DLG5: variants seen among roughly 807,000 people sequenced by gnomAD.
DLG5 encodes the protein disks large homolog 5.
In DLG5, 48 loss-of-function variants were observed where a neutral mutation model predicts 189.8. That is an observed-to-expected ratio of 0.25 (90% CI 0.20 to 0.32). The LOEUF is 0.32. Ranked by LOEUF, DLG5 falls within the 10% of genes least tolerant of loss-of-function variation. The pLI, the probability that DLG5 is intolerant of heterozygous loss-of-function variation, is 1.00. For synonymous variants in DLG5, 1,016 were observed against 1,054.1 expected (o/e 0.96, Z 0.70); for missense variants, 2,160 against 2,544.7 (o/e 0.85, Z 3.25).
At chr10:77,868,339 G>A (rs974256628) in intron 2 of DLG5, 29 of 356,194 alleles carry the variant, frequency 8.1e-5, no homozygotes, top group East Asian at 6.6e-4. Flanking sequence ...TGCCTAATTC[G>A]CCACTACGGC....
chr10:77,841,557 T>G (rs373741668), intron 7 of DLG5, among the ~76,000 whole-genome samples: 30 of 152,106 alleles, frequency 2.0e-4, no homozygotes, highest in African/African-American at 3.4e-4. Flanking sequence ...AGCAAGTCCT[T>G]GAGATATCAC....
chr10:77,848,233 T>C (rs1589212136), intron 5 of DLG5, among the ~76,000 whole-genome samples: 2 of 152,188 alleles, frequency 1.3e-5, no homozygotes, highest in Admixed American at 1.3e-4. Context: ...CACTCCTCTG[T>C]GGGCTTCTCT....
chr10:77,843,438 T>C lies in DLG5; in HGVS notation c.1124+9A>G, dbSNP rs747796669. On this transcript the variant is annotated intron_variant, in intron 6 of 31. Coordinates refer to ENST00000372391, the MANE Select transcript of DLG5 (RefSeq NM_004747.4). ...ATTTGCCCCCGGCCCCCGATGGCCC[T>C]AGCCCTACCTCCTCAGGGAGAGGGC... The C allele has an allele frequency of 6.2e-7, 1 of 1,612,960 alleles. No individual in the cohort carries two copies. Among genetic ancestry groups the C allele is most frequent in the Non-Finnish European group, 8.5e-7 (1 of 1,179,988 alleles).
chr10:77,936,202 G>T, the DLG5 span, among the ~76,000 whole-genome samples: 216 of 152,260 alleles, frequency 1.4e-3, 1 homozygote, highest in African/African-American at 5.1e-3. Context: ...CACTTTGGGA[G>T]GCCAAGGCAG....
chr10:77,842,439 T>G (rs1285872930), intron 6 of DLG5, among the ~76,000 whole-genome samples: 1 of 152,212 alleles, frequency 6.6e-6, no homozygotes, highest in Non-Finnish European at 1.5e-5. Flanking sequence ...TCCACTCCAC[T>G]AGAAACAACA....
intron 14 of DLG5, among the ~76,000 whole-genome samples, chr10:77,824,148 G>C (rs1446495113): frequency 6.6e-6 from 1 of 152,176 alleles, no homozygotes; most frequent in East Asian, 1.9e-4. Flanking sequence ...AATTCCCTAA[G>C]ATCATCTAAT....
At chr10:77,854,106 C>T (rs2154576688) in intron 4 of DLG5, 121 bp downstream of exon 4, 2 of 1,308,272 alleles carry the variant, frequency 1.5e-6, no homozygotes, top group East Asian at 4.9e-5. Context: ...AGGCAGACTG[C>T]TTGCTCTTGC....
chr10:77,935,216 C>A, the DLG5 span, among the ~76,000 whole-genome samples: 1 of 151,976 alleles, frequency 6.6e-6, no homozygotes, highest in Non-Finnish European at 1.5e-5. Flanking sequence ...ATTAGGAGAC[C>A]AACAATCCCC....
intron 7 of DLG5, 107 bp downstream of exon 7, chr10:77,841,774 T>G (rs2154576298): frequency 7.5e-7 from 1 of 1,329,388 alleles, no homozygotes; most frequent in Non-Finnish European, 1.0e-6. Context: ...AGAAGCCATT[T>G]ACTCCAACTC....
chr10:77,866,636 C>T (rs909808144), intron 2 of DLG5, among the ~76,000 whole-genome samples: 18 of 151,830 alleles, frequency 1.2e-4, no homozygotes, highest in African/African-American at 3.6e-4. Flanking sequence ...TGTTTAGTGG[C>T]GCCCATACTG....
intron 29 of DLG5, 120 bp from the exon 30 acceptor site, chr10:77,795,078 G>A: frequency 4.2e-6 from 3 of 715,246 alleles, no homozygotes; most frequent in South Asian, 3.5e-5. Flanking sequence ...AGGCAGTAAA[G>A]CCACACAGTA....
chr10:77,921,755 C>A (rs1362086042), intron 1 of DLG5, among the ~76,000 whole-genome samples: 1 of 152,226 alleles, frequency 6.6e-6, no homozygotes, highest in East Asian at 1.9e-4. Context: ...CCAGCGGACG[C>A]TGCTGGCTCC....
In DLG5 at chr10:77,794,105, G is replaced by T. The variant is rs770497098; in HGVS notation, c.5559C>A (p.Asp1853Glu). The T allele has an allele frequency of 7.4e-6, 12 of 1,613,972 alleles. No individual in the cohort carries two copies. The highest frequency in any genetic ancestry group is 1.0e-5 in the Non-Finnish European group (12 of 1,179,992). ...KSAKHIKEQR[D>E]PIYLRDKVTQ... The stretch of plus-strand genomic sequence containing the variant: ...TCACCTTGTCCCTCAGGTAGATGGG[G>T]TCTCTCTGCTCCCTGTGGGGACAGC... The change falls in exon 31 of 32, where the codon GAC becomes GAA. Residue 1853 changes from aspartate (D) to glutamate (E), a missense_variant. Physicochemically the swap from Asp to Glu is conservative, Grantham distance 45. Around this residue, in one of 5 missense-constraint regions of DLG5, gnomAD observed 574 missense variants for 644.2 expected, o/e 0.89. Coordinates refer to ENST00000372391, the MANE Select transcript of DLG5 (RefSeq NM_004747.4).
intron 1 of DLG5, among the ~76,000 whole-genome samples, chr10:77,917,922 G>A (rs911992875): frequency 6.6e-6 from 1 of 151,574 alleles, no homozygotes; most frequent in Non-Finnish European, 1.5e-5. Flanking sequence ...AGCTACCCGG[G>A]AGACTGAGGC....
At chr10:77,910,917 A>G (rs1589275923) in intron 1 of DLG5, among the ~76,000 whole-genome samples, 3 of 145,572 alleles carry the variant, frequency 2.1e-5, no homozygotes, top group African/African-American at 7.6e-5. Flanking sequence ...GGTTGCAGTG[A>G]GCTGAGACTG....
At chr10:77,818,257 A>G (rs1423253031) in intron 17 of DLG5, among the ~76,000 whole-genome samples, 1 of 152,170 alleles carries the variant, frequency 6.6e-6, no homozygotes, top group Non-Finnish European at 1.5e-5. Flanking sequence ...CAAGGCACAG[A>G]GGACTTTGGG....
chr10:77,794,910 G>A lies in DLG5; in HGVS notation c.5485C>T (p.His1829Tyr). ...DIAPHAIERL[H>Y]HMHIYPIVIF... ...ACAATGGGGTAGATGTGCATGTGGT[G>A]GAGCCGCTCAATAGCGTGCGGAGCA... Residue 1829 changes from histidine to tyrosine, a missense_variant, in exon 30 of 32, where the codon CAC (histidine) becomes TAC (tyrosine). His to Tyr is a moderately conservative substitution (Grantham distance 83). Around this residue, in one of 5 missense-constraint regions of DLG5, gnomAD observed 574 missense variants for 644.2 expected, o/e 0.89. Transcript: ENST00000372391. The A allele has an allele frequency of 6.2e-7, 1 of 1,614,074 alleles. No individual in the cohort carries two copies. The highest frequency in any genetic ancestry group is 2.2e-5 in the East Asian group (1 of 44,858).
At chr10:77,844,233 G>A (rs981452214) in intron 5 of DLG5, among the ~76,000 whole-genome samples, 7 of 152,082 alleles carry the variant, frequency 4.6e-5, no homozygotes, top group Non-Finnish European at 8.8e-5. Context: ...ATGGGCCTCC[G>A]TGGAGGCCAG....
At chr10:77,876,160 A>G (rs1482025595) in intron 1 of DLG5, among the ~76,000 whole-genome samples, 1 of 151,972 alleles carries the variant, frequency 6.6e-6, no homozygotes, top group Non-Finnish European at 1.5e-5. Context: ...AACAAGCAGC[A>G]TCACTGCGCT....
Sources: gnomAD v4.1 joint callset for allele counts (sites outside exome capture counted in the v4.1 genomes callset) on GRCh38, gnomAD v4.1.1 for gene constraint, gnomAD v4.1.1 regional missense constraint, MANE v1.5 for transcripts, NCBI Gene and HGNC (gene_info 2026-07-23, HGNC 2026-07-21) for gene names.